Variants in ROR2 observed in about 807,000 individuals in gnomAD.
The protein encoded by ROR2 is tyrosine-protein kinase transmembrane receptor ROR2.
Under a neutral mutation model 74.9 loss-of-function variants are expected in ROR2, and 33 were observed. The ratio of observed to expected loss-of-function variants is 0.44; its 90% confidence interval spans 0.33 to 0.59. The LOEUF is 0.59. Ranked by LOEUF, ROR2 falls within the 20% of genes least tolerant of loss-of-function variation. The pLI is 0.02. For synonymous variants in ROR2, 586 were observed against 558.7 expected (o/e 1.05, Z -0.69); for missense variants, 1,216 against 1,313.8 (o/e 0.93, Z 1.15).
intron 4 of ROR2, among the ~76,000 whole-genome samples, chr9:91,754,693 A>C (rs1825690767): frequency 1.3e-5 from 2 of 152,146 alleles, no homozygotes; most frequent in Admixed American, 1.3e-4. Context: ...ATAAATATAA[A>C]ATAAGAGAGA....
At chr9:91,753,054 AG>A (rs1825638091) in intron 4 of ROR2, among the ~76,000 whole-genome samples, 1 of 152,230 alleles carries the variant, frequency 6.6e-6, no homozygotes, top group African/African-American at 2.4e-5. Flanking sequence ...GTCCTTGATA[AG>A]AAAATTCAAT....
chr9:91,726,347 G>A (rs1837031934), intron 8 of ROR2, among the ~76,000 whole-genome samples, 194 bp downstream of exon 8: 1 of 152,144 alleles, frequency 6.6e-6, no homozygotes, highest in Non-Finnish European at 1.5e-5. Flanking sequence ...TTCCCAACAC[G>A]CCTGCCATTT....
At chr9:91,727,850 T>C (rs1742408556) in intron 7 of ROR2, among the ~76,000 whole-genome samples, 2 of 152,150 alleles carry the variant, frequency 1.3e-5, no homozygotes, top group Admixed American at 6.5e-5. Context: ...ACTGCCACCT[T>C]AGGAAAAAAG....
chr9:91,775,467 G>C (rs905935622), intron 2 of ROR2, among the ~76,000 whole-genome samples: 2 of 152,076 alleles, frequency 1.3e-5, no homozygotes, highest in Admixed American at 6.5e-5. Flanking sequence ...AGCTCCTAAG[G>C]CTCCGCTCAG....
intron 4 of ROR2, among the ~76,000 whole-genome samples, chr9:91,749,070 A>G (rs139982017): frequency 4.6e-5 from 7 of 152,326 alleles, no homozygotes; most frequent in Admixed American, 4.6e-4. Context: ...AGACAACTTA[A>G]AGAAATATCA....
intron 1 of ROR2, among the ~76,000 whole-genome samples, chr9:91,835,778 G>A (rs896448972): frequency 2.6e-5 from 4 of 152,196 alleles, no homozygotes; most frequent in Non-Finnish European, 5.9e-5. Flanking sequence ...GGGGCTGACT[G>A]GTGGAGGCCA....
intron 1 of ROR2, among the ~76,000 whole-genome samples, chr9:91,915,410 C>T (rs551554294): frequency 1.7e-4 from 26 of 152,228 alleles, no homozygotes; most frequent in African/African-American, 4.6e-4. Context: ...AATGAAGCTG[C>T]GGACCTTCAC....
At chr9:91,904,774 A>G (rs1389532290) in intron 1 of ROR2, among the ~76,000 whole-genome samples, 1 of 152,200 alleles carries the variant, frequency 6.6e-6, no homozygotes, top group East Asian at 1.9e-4. Flanking sequence ...CCGTGGCCTC[A>G]GGAACCTCTG....
At chr9:91,764,596 T>C (rs1398843480) in intron 2 of ROR2, among the ~76,000 whole-genome samples, 7 of 143,096 alleles carry the variant, frequency 4.9e-5, no homozygotes, top group African/African-American at 1.6e-4. Flanking sequence ...ACCACACACA[T>C]TGAACTGCTT....
chr9:91,877,513 T>C (rs1528363), intron 1 of ROR2, among the ~76,000 whole-genome samples: 66,024 of 152,054 alleles, frequency 0.43, 16,013 homozygotes, highest in African/African-American at 0.64. Flanking sequence ...GAAAAGAAGA[T>C]AGATACCTAT....
At chr9:91,791,926 T>C (rs972195246) in intron 1 of ROR2, among the ~76,000 whole-genome samples, 9 of 152,148 alleles carry the variant, frequency 5.9e-5, no homozygotes, top group East Asian at 1.9e-4. Flanking sequence ...GGAATGAAAT[T>C]AGAAATCAGC....
intron 1 of ROR2, among the ~76,000 whole-genome samples, chr9:91,815,449 A>G (rs1023563742): frequency 2.0e-5 from 3 of 152,226 alleles, no homozygotes; most frequent in African/African-American, 2.4e-5. Context: ...GGGTCAAAAA[A>G]AAAGGTGCTT....
At chr9:91,834,759 T>C (rs1047571493) in intron 1 of ROR2, among the ~76,000 whole-genome samples, 1 of 152,218 alleles carries the variant, frequency 6.6e-6, no homozygotes, top group African/African-American at 2.4e-5. Flanking sequence ...AGCAAAACTG[T>C]TGTCCTGAAA....
intron 2 of ROR2, among the ~76,000 whole-genome samples, chr9:91,773,542 T>C (rs547062139): frequency 6.6e-6 from 1 of 152,238 alleles, no homozygotes; most frequent in African/African-American, 2.4e-5. Context: ...GTGCTACCCA[T>C]TGTGGGAGCC....
At chr9:91,933,046 C>T (rs957207815) in intron 1 of ROR2, among the ~76,000 whole-genome samples, 2 of 152,098 alleles carry the variant, frequency 1.3e-5, no homozygotes, top group African/African-American at 2.4e-5. Context: ...TGATTACAGG[C>T]GTTAGCCTGT....
chr9:91,730,574 CCTCAGT>C (rs1837204014), intron 7 of ROR2, among the ~76,000 whole-genome samples: 1 of 152,156 alleles, frequency 6.6e-6, no homozygotes, highest in Non-Finnish European at 1.5e-5. Flanking sequence ...GATTCTCCTG[CCTCAGT>C]CTCTTGAGTA....
intron 1 of ROR2, among the ~76,000 whole-genome samples, chr9:91,909,775 T>C (rs1830905864): frequency 6.6e-6 from 1 of 151,490 alleles, no homozygotes; most frequent in Non-Finnish European, 1.5e-5. Context: ...TACTGTGCTT[T>C]TTCTTCAAAT....
intron 1 of ROR2, among the ~76,000 whole-genome samples, chr9:91,917,353 G>C (rs1179541904): frequency 1.3e-5 from 2 of 152,160 alleles, no homozygotes; most frequent in Non-Finnish European, 2.9e-5. Flanking sequence ...TACGTGCAGA[G>C]AAACAACGCC....
rs1317760680 is a variant in ROR2, at chr9:91,723,691, C to T, written c.2803G>A (p.Asp935Asn). The change falls in exon 9 of 9, where the codon GAC becomes AAC. Residue 935 changes from aspartate (D) to asparagine (N), a missense_variant. Coordinates refer to ENST00000375708, the MANE Select transcript of ROR2 (RefSeq NM_004560.4). Reference protein sequence around the residue: ...LLGDCDTLQVDEAQVQLEA With the variant: ...LLGDCDTLQVNEAQVQLEA Reference sequence around the variant, plus strand: ...GCTTCCAGCTGGACTTGGGCCTCGTCCACCTGCAGAGTGTCACAGTCCCCC... The same window carrying T: ...GCTTCCAGCTGGACTTGGGCCTCGTTCACCTGCAGAGTGTCACAGTCCCCC... 6.2e-7 allele frequency: 1 copy of T among 1,613,944 alleles called. No individual in the cohort carries two copies. The highest frequency in any genetic ancestry group is 8.5e-7 in the Non-Finnish European group (1 of 1,179,966).
Sources: allele counts gnomAD v4.1 joint callset (sites outside exome capture counted in the v4.1 genomes callset), GRCh38; gene constraint gnomAD v4.1.1; transcripts MANE v1.5; gene names NCBI Gene and HGNC (gene_info 2026-07-23, HGNC 2026-07-21).